OR10H1: variants seen among roughly 807,000 people sequenced by gnomAD.
OR10H1 encodes the protein olfactory receptor 10H1.
OR10H1 carries 12 observed loss-of-function variants against 13.1 expected under a neutral mutation model. That is an observed-to-expected ratio of 0.92 (90% confidence interval 0.59 to 1.48). OR10H1 has a LOEUF of 1.48. Ranked by LOEUF, OR10H1 falls within the 40% of genes most tolerant of loss-of-function variation. The pLI is 0.00. For synonymous variants in OR10H1, 168 were observed against 175.6 expected (o/e 0.96, Z 0.34); for missense variants, 363 against 413.1 (o/e 0.88, Z 1.05).
In OR10H1 at chr19:15,807,816, G is replaced by A. The variant is rs1320535487; in HGVS notation, c.222C>T (p.Thr74=). The change falls in exon 4 of 4, where the codon ACC becomes ACT. Residue 74 remains threonine (T), a synonymous_variant. Coordinates refer to ENST00000641419, the MANE Select transcript of OR10H1 (RefSeq NM_013940.4). ...CCAGCATGCGCGGGATGATGGCCAC[G>A]GTGTAGAGGATCTCGGAGACGGAGA... ...CALSVSEILY[T]VAIIPRMLAD... is the part of the protein sequence containing the mutation. 7 of 1,605,762 alleles carry A rather than the reference G, an allele frequency of 4.4e-6. No homozygotes were observed. In the Admixed American group the frequency reaches 6.7e-5, roughly 15 times the overall value.
intron 1 of OR10H1, among the ~76,000 whole-genome samples, chr19:15,813,474 A>AAGAGAGAG (rs57320070): frequency 5.0e-4 from 70 of 138,862 alleles, no homozygotes; most frequent in Non-Finnish European, 9.3e-4. Context: ...GAGGCAGGGG[A>AAGAGAGAG]AGAGAGAGAG....
intron 2 of OR10H1, among the ~76,000 whole-genome samples, chr19:15,810,258 C>T (rs2088925625): frequency 7.1e-6 from 1 of 140,098 alleles, no homozygotes; most frequent in African/African-American, 2.7e-5. Flanking sequence ...CACACCACTG[C>T]ACTCCAGGCT....
chr19:15,812,186 T>C (rs553469896), intron 2 of OR10H1, 44 bp downstream of exon 2: 1 of 152,372 alleles, frequency 6.6e-6, no homozygotes, highest in East Asian at 1.9e-4. Flanking sequence ...TTAGGTCTGA[T>C]TGATCTCAAA....
chr19:15,814,480 TGAGAGAGAGAGA>T (rs58307648), intron 1 of OR10H1, among the ~76,000 whole-genome samples: 9,091 of 65,798 alleles, frequency 0.14, 398 homozygotes, highest in Middle Eastern at 0.19. Flanking sequence ...TGTGTGTGTG[TGAGAGAGAGAGA>T]GAGAGAGAGA....
chr19:15,808,546 T>G (rs1230004223), intron 3 of OR10H1, among the ~76,000 whole-genome samples, 179 bp downstream of exon 3: 1 of 152,136 alleles, frequency 6.6e-6, no homozygotes, highest in African/African-American at 2.4e-5. Flanking sequence ...AGCTAGACTC[T>G]ATCTCTTAAA....
chr19:15,811,460 A>G (rs543408457), intron 2 of OR10H1, among the ~76,000 whole-genome samples: 17 of 152,012 alleles, frequency 1.1e-4, no homozygotes, highest in South Asian at 2.1e-4. Context: ...GTCTCTGTCA[A>G]CTCAATGCCA....
intron 2 of OR10H1, among the ~76,000 whole-genome samples, chr19:15,810,914 AAAATAAAT>A (rs1177693415): frequency 6.6e-6 from 1 of 151,590 alleles, no homozygotes; most frequent in Non-Finnish European, 1.5e-5. Flanking sequence ...TAAAGAAAAG[AAAATAAAT>A]AAATAAATAG....
intron 1 of OR10H1, among the ~76,000 whole-genome samples, chr19:15,815,139 G>T (rs932033988): frequency 2.0e-5 from 3 of 152,066 alleles, no homozygotes; most frequent in African/African-American, 7.2e-5. Flanking sequence ...AGGAGTTCAA[G>T]ACCAGCCTGT....
Position 15,806,818 on chromosome 19 carries a change from A to C in OR10H1, c.*263T>G. ...TCTCAGCTCACTGCAACCTCCACCTACCGGGTCAAGCGATTCTTATGCCTC... is the reference window on the plus strand; with the variant it reads ...TCTCAGCTCACTGCAACCTCCACCTCCCGGGTCAAGCGATTCTTATGCCTC... On this transcript the variant is annotated 3_prime_UTR_variant, in exon 4 of 4. Transcript: ENST00000641419. The C allele has an allele frequency of 2.5e-6, 1 of 404,936 alleles. No individual in the cohort carries two copies. 25.1% of individuals were successfully genotyped at this position (404,936 alleles called of 1,614,324 possible).
In OR10H1 at chr19:15,812,212, A is replaced by C. The variant is rs1415839466; in HGVS notation, c.-129+18T>G. Reference sequence around the variant, plus strand: ...TGATCTCAAAGCCTGTCTTTTCCTAACCTCTTGTTATACTCACCAGTTGCT... The same window carrying C: ...TGATCTCAAAGCCTGTCTTTTCCTACCCTCTTGTTATACTCACCAGTTGCT... On this transcript the variant is annotated intron_variant, in intron 2 of 3. Transcript: ENST00000641419. 1 of 151,708 alleles carries C rather than the reference A, an allele frequency of 6.6e-6. No homozygotes were observed. The highest frequency in any genetic ancestry group is 2.4e-5 in the African/African-American group (1 of 41,218). 9.4% of individuals were successfully genotyped at this position (151,708 alleles called of 1,614,324 possible).
chr19:15,811,726 G>T (rs1211857676), intron 2 of OR10H1, among the ~76,000 whole-genome samples: 4 of 152,108 alleles, frequency 2.6e-5, no homozygotes, highest in African/African-American at 9.7e-5. Flanking sequence ...GGCATATTAA[G>T]CCACCCATTC....
chr19:15,809,718 T>C (rs969628439), intron 2 of OR10H1, among the ~76,000 whole-genome samples: 2 of 152,210 alleles, frequency 1.3e-5, no homozygotes, highest in African/African-American at 4.8e-5. Flanking sequence ...CATATGATAA[T>C]TAATACAGTA....
intron 3 of OR10H1, among the ~76,000 whole-genome samples, chr19:15,808,396 A>C (rs2088915389): frequency 6.6e-6 from 1 of 152,100 alleles, no homozygotes; most frequent in African/African-American, 2.4e-5. Context: ...CCCCCAAACG[A>C]AAATGCTCCA....
rs113632326 is a variant in OR10H1, at chr19:15,812,779, CAGGAGCCGATCACGTCTGT to C, written c.-697_-679del. The C allele has an allele frequency of 0.3, 45,374 of 151,048 alleles. 7,636 individuals are homozygous for C. Among genetic ancestry groups the C allele is most frequent in the African/African-American group, 0.44 (18,132 of 40,982 alleles). The allele number at this position is 151,048 out of a possible 1,614,324, so 9.4% of individuals were successfully genotyped here. A position where few individuals can be genotyped will look rare whatever the true frequency, so the allele number is the denominator to read the frequency against. ...GAGGGAGGGAGAAACCTTGAGAGGA[CAGGAGCCGATCACGTCTGT>C]AGGAGGTAGCTGAGGGCTGCATGTA... On this transcript the variant is annotated 5_prime_UTR_variant, in exon 2 of 4. The change creates a premature stop within an existing upstream ORF in the 5' untranslated region. Transcript: ENST00000641419.
intron 1 of OR10H1, among the ~76,000 whole-genome samples, chr19:15,813,261 A>C (rs1196651324): frequency 6.6e-6 from 1 of 152,188 alleles, no homozygotes; most frequent in East Asian, 1.9e-4. Flanking sequence ...GTAAATCTGA[A>C]ACTGCTCTTA....
intron 2 of OR10H1, among the ~76,000 whole-genome samples, chr19:15,809,149 A>G (rs2088919676): frequency 6.6e-6 from 1 of 152,194 alleles, no homozygotes; most frequent in African/African-American, 2.4e-5. Context: ...TCCAGCTCCC[A>G]TGAGGTATGC....
At position 15,804,921 on chromosome 19, in the gene OR10H1, G is replaced by C. The variant is rs764037338; in HGVS notation, c.*2160C>G. On this transcript the variant is annotated 3_prime_UTR_variant, in exon 4 of 4. Coordinates refer to ENST00000641419, the MANE Select transcript of OR10H1 (RefSeq NM_013940.4). ...TTTTTAGTGATTGCCATTCTAACTG[G>C]TGTGAGATGATATCTCATTGTGGTT... is the stretch of plus-strand genomic sequence containing the variant. 1 of 152,186 alleles carries C rather than the reference G, an allele frequency of 6.6e-6. No individual in the cohort carries two copies. 9.4% of individuals were successfully genotyped at this position (152,186 alleles called of 1,614,324 possible).
At position 15,812,260 on chromosome 19, in the gene OR10H1, A is replaced by G. The variant is rs1248057691; in HGVS notation, c.-159T>C. On this transcript the variant is annotated 5_prime_UTR_variant, in exon 2 of 4. Coordinates refer to ENST00000641419, the MANE Select transcript of OR10H1 (RefSeq NM_013940.4). ...GCTGGTGGCTGTTTCAAAGGCCACT[A>G]GGAGATGCTGCTTCCCCATGACTGA... The G allele has an allele frequency of 1.3e-5, 2 of 152,220 alleles. No homozygotes were observed. The highest frequency in any genetic ancestry group is 2.9e-5 in the Non-Finnish European group (2 of 68,140). 9.4% of individuals were successfully genotyped at this position (152,220 alleles called of 1,614,324 possible).
rs778569895 is a variant in OR10H1 at position 15,807,096 on chromosome 19, T to A, written c.942A>T (p.Lys314Asn). The change falls in exon 4 of 4, where the codon AAA becomes AAT. Residue 314 changes from lysine to asparagine, a missense_variant. This residue lies in a region of OR10H1 where 42 missense variants were observed against 30.3 expected (regional missense o/e 1.39). Transcript: ENST00000641419. ...TGAATTTCTCCTACATCATTACATT[T>A]TTTTCTGGGTAGAGTTTACTGAAGA... ...KTFFSKLYPE[K>N]NVMM The A allele has an allele frequency of 2.5e-6, 4 of 1,610,340 alleles. No individual in the cohort carries two copies. The South Asian group carries it at 4.4e-5, about 18-fold the overall frequency.
Sources: allele counts gnomAD v4.1 joint callset (sites outside exome capture counted in the v4.1 genomes callset), GRCh38; gene constraint gnomAD v4.1.1; regional missense constraint gnomAD v4.1.1; transcripts MANE v1.5; gene names NCBI Gene and HGNC (gene_info 2026-07-23, HGNC 2026-07-21).